TP73: variants seen among roughly 807,000 people sequenced by gnomAD.
TP73 encodes the protein tumor protein p73, also known as p53-like transcription factor.
Under a neutral mutation model 62.5 loss-of-function variants are expected in TP73, and 25 were observed. The ratio of observed to expected loss-of-function variants is 0.40; its 90% CI spans 0.29 to 0.56. The LOEUF (loss-of-function observed/expected upper bound fraction) is 0.56. Ranked by LOEUF, TP73 falls within the 20% of genes least tolerant of loss-of-function variation. TP73 has a pLI of 0.46. For missense variants in TP73, 754 were observed against 913.3 expected (o/e 0.83, Z 2.25); for synonymous variants, 423 against 377.5 (o/e 1.12, Z -1.40).
At chr1:3,694,716 G>C (rs868781448) in intron 3 of TP73, among the ~76,000 whole-genome samples, 4 of 31,764 alleles carry the variant, frequency 1.3e-4, no homozygotes, top group East Asian at 7.9e-4. Flanking sequence ...TGCAATCCCA[G>C]CCATGCAGCC....
chr1:3,671,870 C>T lies in TP73; in HGVS notation c.-33-10463C>T, dbSNP rs376383702. 3.0e-3 allele frequency among the ~76,000 whole-genome samples: 452 copies of T among 152,146 alleles called. 5 individuals carry two copies. Among genetic ancestry groups the T allele is most frequent in the African/African-American group, 4.5e-3 (187 of 41,494 alleles). On this transcript the variant is annotated intron_variant, in intron 1 of 13. Transcript: ENST00000378295. ...TGGGTGGACCCCCGTGATCGCTGCA[C>T]GGGGGAGGTCACGGGGCTGAGCGGC... is the stretch of plus-strand genomic sequence containing the variant.
Position 3,662,816 on chromosome 1 carries a change from G to A in TP73, c.-34+10175G>A, listed in dbSNP as rs1323052337. ...GGAGATGGAATCAGCTCCCCACCAG[G>A]CCCCAGGACAGACCTGGCTGGGGAG... On this transcript the variant is annotated intron_variant, in intron 1 of 13. Coordinates refer to ENST00000378295, the MANE Select transcript of TP73 (RefSeq NM_005427.4). The surrounding 1 kb of genome is among the most constrained non-coding windows in gnomAD (Gnocchi z 4.4). 6.6e-6 allele frequency among the ~76,000 whole-genome samples: 1 copy of A among 152,174 alleles called. No homozygotes were observed. Among genetic ancestry groups the A allele is most frequent in the East Asian group, 1.9e-4 (1 of 5,178 alleles).
intron 3 of TP73, among the ~76,000 whole-genome samples, chr1:3,684,810 G>A (rs974441180): frequency 2.2e-4 from 33 of 151,988 alleles, no homozygotes; most frequent in Admixed American, 6.5e-4. Context: ...CAGTGTCTGC[G>A]CGTGTTCTAG....
chr1:3,723,327 C>T (rs776182652), intron 5 of TP73, 27 bp from the exon 6 acceptor site: 1 of 1,597,264 alleles, frequency 6.3e-7, no homozygotes, highest in South Asian at 1.1e-5. Context: ...CTATGCACCT[C>T]TCTGAAGTGT....
At chr1:3,728,617 A>C (rs981880676) in intron 9 of TP73, among the ~76,000 whole-genome samples, 2 of 152,158 alleles carry the variant, frequency 1.3e-5, no homozygotes, top group African/African-American at 4.8e-5. Context: ...CAGGTGAATT[A>C]AATCGGCACA....
Position 3,728,116 on chromosome 1 carries a change from C to A in TP73, c.986-13C>A. On this transcript the variant is annotated splice_polypyrimidine_tract_variant and intron_variant, in intron 8 of 13. Coordinates refer to ENST00000378295, the MANE Select transcript of TP73 (RefSeq NM_005427.4). ...CTGCCTGCTCACCCCGCCTGCCCTG[C>A]CTGGCCTTCCAGCCTTCAAGCAGAG... 6.2e-7 allele frequency: 1 copy of A among 1,606,458 alleles called. No homozygotes were observed.
At chr1:3,700,001 G>A (rs924947837) in intron 3 of TP73, among the ~76,000 whole-genome samples, 1 of 151,996 alleles carries the variant, frequency 6.6e-6, no homozygotes, top group African/African-American at 2.4e-5. Context: ...CCCCATCCTT[G>A]GGAGCTGTCC....
intron 4 of TP73, chr1:3,708,062 C>T: frequency 1.8e-6 from 1 of 552,398 alleles, no homozygotes; most frequent in South Asian, 2.2e-5. Context: ...GGTGAGATCT[C>T]TGCCAAGACT....
At chr1:3,712,124 A>C (rs1640202839) in intron 4 of TP73, 1 of 152,212 alleles carries the variant, frequency 6.6e-6, no homozygotes, top group Non-Finnish European at 1.5e-5. Context: ...TTATCCTAAA[A>C]GTTTATGGAA....
chr1:3,712,734 T>C (rs1045461293), intron 4 of TP73, among the ~76,000 whole-genome samples: 1 of 152,188 alleles, frequency 6.6e-6, no homozygotes, highest in Admixed American at 6.5e-5. Flanking sequence ...GCATTGCCCC[T>C]ATGTGCAGGG....
At chr1:3,708,032 G>C (rs2124397978) in intron 4 of TP73, 1 of 625,246 alleles carries the variant, frequency 1.6e-6, no homozygotes, top group Non-Finnish European at 2.7e-6. Context: ...GGCCACAGAG[G>C]GGACGGACTT....
At chr1:3,732,630 T>C (rs1386838710) in intron 13 of TP73, 117 bp from the exon 14 acceptor site, 3 of 898,494 alleles carry the variant, frequency 3.3e-6, no homozygotes. Context: ...TCCTGCCTAC[T>C]CTGGTTGGGG....
intron 1 of TP73, among the ~76,000 whole-genome samples, chr1:3,674,617 C>T (rs1189334992): frequency 2.6e-5 from 4 of 152,246 alleles, no homozygotes; most frequent in Non-Finnish European, 5.9e-5. Flanking sequence ...TAGCCTCTGT[C>T]GGGAGGGGCA....
intron 4 of TP73, among the ~76,000 whole-genome samples, chr1:3,715,189 G>A (rs1266804933): frequency 2.0e-5 from 3 of 152,144 alleles, no homozygotes; most frequent in Admixed American, 6.5e-5. Flanking sequence ...GAGGCCCCTG[G>A]CTGTTGTTCC....
chr1:3,656,569 T>C (rs1644869658), intron 1 of TP73, among the ~76,000 whole-genome samples: 1 of 152,216 alleles, frequency 6.6e-6, no homozygotes, highest in Non-Finnish European at 1.5e-5. Context: ...ATGAGGAAAC[T>C]GAGGCTTCAA....
rs756945350 is a variant in TP73, at chr1:3,727,780, C to G, written c.985+10C>G. On this transcript the variant is annotated intron_variant, in intron 8 of 13. Transcript: ENST00000378295. ...GCCGCCAGCAAGCGTGGTGAGCGGC[C>G]GGCCAGGGGAACTGGACGCGTGTGG... The G allele has an allele frequency of 6.5e-7, 1 of 1,527,804 alleles. No homozygotes were observed. The allele number at this position is 1,527,804 out of a possible 1,614,324, so 94.6% of individuals were successfully genotyped here. A position where few individuals can be genotyped will look rare whatever the true frequency, so the allele number is the denominator to read the frequency against.
chr1:3,687,201 C>G (rs1271879573), intron 3 of TP73, among the ~76,000 whole-genome samples: 1 of 152,204 alleles, frequency 6.6e-6, no homozygotes, highest in Non-Finnish European at 1.5e-5. Context: ...CAGGGGGAAG[C>G]CTGTGGCCCG....
chr1:3,714,551 C>A (rs3765763), intron 4 of TP73, among the ~76,000 whole-genome samples: 20,198 of 152,310 alleles, frequency 0.13, 1,555 homozygotes, highest in Non-Finnish European at 0.17. Context: ...CTGCTGGGCC[C>A]CTCGTGGGAC....
In TP73 at chr1:3,662,452, A is replaced by G. The variant is rs867295331; in HGVS notation, c.-34+9811A>G. 1.2e-4 allele frequency among the ~76,000 whole-genome samples: 19 copies of G among 152,242 alleles called. No homozygotes were observed. The highest frequency in any genetic ancestry group is 4.1e-4 in the African/African-American group (17 of 41,468). ...GGGGCTGCTGCAGGCTGAACCAGCT[A>G]TAGCAGGGGAGTTGACTGGTGAATG... On this transcript the variant is annotated intron_variant, in intron 1 of 13. Coordinates refer to ENST00000378295, the MANE Select transcript of TP73 (RefSeq NM_005427.4). This position sits in a 1 kb window ranked among gnomAD's most constrained non-coding sequence, Gnocchi z 4.4.
Sources: allele counts gnomAD v4.1 joint callset (sites outside exome capture counted in the v4.1 genomes callset), GRCh38; gene constraint gnomAD v4.1.1; non-coding constraint Gnocchi (gnomAD v3.1); transcripts MANE v1.5; gene names NCBI Gene and HGNC (gene_info 2026-07-23, HGNC 2026-07-21).